The following BNC2 variants were observed in gnomAD, a reference collection of about 807,000 sequenced individuals.
BNC2 encodes the protein basonuclin zinc finger protein 2.
BNC2 carries 20 observed loss-of-function variants against 76.3 expected under a neutral mutation model. The ratio of observed to expected loss-of-function variants is 0.26; its 90% CI spans 0.18 to 0.38. BNC2 has a LOEUF of 0.38. Among genes scored for constraint, BNC2 ranks in the 10% least tolerant of loss-of-function variants. BNC2 has a pLI of 1.00. For synonymous variants in BNC2, 582 were observed against 514.8 expected, an observed-to-expected ratio of 1.13 and a Z score of -1.77; for missense variants, 1,382 against 1,399.8, an observed-to-expected ratio of 0.99 and a Z score of 0.20.
chr9:16,551,243 G>A (rs565453378), intron 5 of BNC2, among the ~76,000 whole-genome samples: 3 of 152,228 alleles, frequency 2.0e-5, no homozygotes, highest in Non-Finnish European at 2.9e-5. Context: ...AAATTAAGAC[G>A]TCATTCTATT....
intron 3 of BNC2, among the ~76,000 whole-genome samples, chr9:16,655,024 G>A (rs946663155): frequency 1.3e-5 from 2 of 151,854 alleles, no homozygotes; most frequent in African/African-American, 4.8e-5. Context: ...ATCAATAACT[G>A]TGGTTTAACA....
intron 3 of BNC2, among the ~76,000 whole-genome samples, chr9:16,719,074 C>T (rs1435778027): frequency 6.6e-6 from 1 of 152,170 alleles, no homozygotes; most frequent in Non-Finnish European, 1.5e-5. Context: ...GCAGCTAACT[C>T]GCTGACTCCA....
chr9:16,807,779 G>C (rs1444184611), intron 1 of BNC2, among the ~76,000 whole-genome samples: 1 of 152,132 alleles, frequency 6.6e-6, no homozygotes, highest in Non-Finnish European at 1.5e-5. Context: ...GTTAGAAAGT[G>C]ATTTCTGACA....
intron 6 of BNC2, among the ~76,000 whole-genome samples, chr9:16,434,046 G>C (rs907996836): frequency 1.3e-5 from 2 of 151,974 alleles, no homozygotes; most frequent in Non-Finnish European, 2.9e-5. Context: ...ATGATAACTT[G>C]GAACTGAAAT....
chr9:16,802,489 T>A (rs1304923131), intron 1 of BNC2, among the ~76,000 whole-genome samples: 1 of 152,246 alleles, frequency 6.6e-6, no homozygotes, highest in Non-Finnish European at 1.5e-5. Flanking sequence ...CTTGATTGTT[T>A]GTGACACAGA....
chr9:16,697,261 G>C lies in BNC2; in HGVS notation c.330+30536C>G, dbSNP rs192272003. On this transcript the variant is annotated intron_variant, in intron 3 of 6. Transcript: ENST00000380672. ...TAGTCCCAGCTACTCAGGAGGCTGAGGCAGGAGAATCGCTTGAACCAGGTA... is the reference window on the plus strand; with the variant it reads ...TAGTCCCAGCTACTCAGGAGGCTGACGCAGGAGAATCGCTTGAACCAGGTA... Among the ~76,000 whole-genome samples, 55 of 152,316 alleles carry C rather than the reference G, an allele frequency of 3.6e-4. 1 individual carries two copies. The East Asian group carries it at 8.7e-3, about 24-fold the overall frequency.
At chr9:16,467,904 C>T (rs1440942140) in intron 5 of BNC2, among the ~76,000 whole-genome samples, 1 of 151,880 alleles carries the variant, frequency 6.6e-6, no homozygotes, top group Non-Finnish European at 1.5e-5. Context: ...TGGTGCCTGA[C>T]CAGGTTCTTA....
At position 16,552,537 on chromosome 9, in the gene BNC2, A is replaced by G. The variant is rs1818696041; in HGVS notation, c.662T>C (p.Ile221Thr). The G allele has an allele frequency of 6.2e-7, 1 of 1,613,926 alleles. No homozygotes were observed. Among genetic ancestry groups the G allele is most frequent in the Admixed American group, 1.7e-5 (1 of 59,992 alleles). ...TTCAAGTCCTCTCCCTACCTGAAGG[A>G]TGTATCCTCGGACATAGTCCCGCAG... ...WTLRDYVRGY[I>T]LQDAAGKVLD... Residue 221 changes from isoleucine (I) to threonine (T), a missense_variant, in exon 5 of 7, where the codon ATC (isoleucine) becomes ACC (threonine). Transcript: ENST00000380672.
At chr9:16,820,570 T>C (rs118116942) in intron 1 of BNC2, among the ~76,000 whole-genome samples, 1,622 of 152,288 alleles carry the variant, frequency 0.011, 26 homozygotes, top group Non-Finnish European at 0.014. Flanking sequence ...TTTCCTCTCA[T>C]TAAAAGCCAC....
chr9:16,624,180 A>G (rs1820933134), intron 3 of BNC2, among the ~76,000 whole-genome samples: 1 of 152,178 alleles, frequency 6.6e-6, no homozygotes, highest in African/African-American at 2.4e-5. Context: ...TTCATGTGTT[A>G]TTAATAAGCT....
chr9:16,419,673 G>T (rs1563774719), intron 6 of BNC2, 24 bp from the exon 7 acceptor site: 6 of 586,900 alleles, frequency 1.0e-5, no homozygotes, highest in Non-Finnish European at 8.9e-6. Context: ...AGGGAAGGGG[G>T]GGTACGTGGA....
At chr9:16,425,610 GA>G (rs1372781910) in intron 6 of BNC2, among the ~76,000 whole-genome samples, 1 of 152,196 alleles carries the variant, frequency 6.6e-6, no homozygotes, top group African/African-American at 2.4e-5. Context: ...TTTACTAAAT[GA>G]ATCGTAATAT....
chr9:16,696,004 A>C lies in BNC2; in HGVS notation c.330+31793T>G, dbSNP rs570175764. ...TTAAAAGGCTTCTCCTTATTTCCTG[A>C]ACCCAGTCAGTTCTGATAGCCTGTC... On this transcript the variant is annotated intron_variant, in intron 3 of 6. Transcript: ENST00000380672. Among the ~76,000 whole-genome samples the C allele has an allele frequency of 4.6e-5, 7 of 152,270 alleles. No homozygotes were observed. In the South Asian group the frequency reaches 1.5e-3, roughly 32 times the overall value.
rs1818700532 is a variant in BNC2 at position 16,552,641 on chromosome 9, T to C, written c.558A>G (p.Leu186=). ...LYGTQAVPVR[L]KILLDRLFSV... ...TGAAGAGACGGTCCAGCAGGATCTT[T>C]AGCCGCACAGGCACTGCTTGTGTCC... is the stretch of plus-strand genomic sequence containing the variant. The change falls in exon 5 of 7, where the codon CTA becomes CTG. Residue 186 remains leucine, a synonymous_variant. Transcript: ENST00000380672. 1 of 1,614,234 alleles carries C rather than the reference T, an allele frequency of 6.2e-7. No individual in the cohort carries two copies.
At position 16,449,991 on chromosome 9, in the gene BNC2, C is replaced by G. The variant is rs114696298; in HGVS notation, c.670-12467G>C. Reference sequence around the variant, plus strand: ...AAACGGGTTAGGTATAAGCCACACTCTTCAGCTGGCATCATTTTTTTTCAG... The same window carrying G: ...AAACGGGTTAGGTATAAGCCACACTGTTCAGCTGGCATCATTTTTTTTCAG... On this transcript the variant is annotated intron_variant, in intron 5 of 6. Transcript: ENST00000380672. Among the ~76,000 whole-genome samples the G allele has an allele frequency of 1.8e-3, 281 of 152,268 alleles. 3 individuals carry two copies. Among genetic ancestry groups the G allele is most frequent in the African/African-American group, 6.3e-3 (260 of 41,546 alleles).
intron 2 of BNC2, among the ~76,000 whole-genome samples, chr9:16,729,733 G>A (rs1824452771): frequency 6.6e-6 from 1 of 152,144 alleles, no homozygotes; most frequent in Admixed American, 6.5e-5. Flanking sequence ...ATTGTCAACA[G>A]TGACTGTACC....
chr9:16,445,556 G>C (rs969422902), intron 5 of BNC2, among the ~76,000 whole-genome samples: 3 of 151,742 alleles, frequency 2.0e-5, no homozygotes, highest in Admixed American at 6.6e-5. Context: ...TTCATGATTT[G>C]GAAATTTGTA....
chr9:16,805,157 A>C (rs12375569), intron 1 of BNC2, among the ~76,000 whole-genome samples: 1 of 151,982 alleles, frequency 6.6e-6, no homozygotes, highest in Non-Finnish European at 1.5e-5. Context: ...ATTATAAATA[A>C]TCCATGGACA....
chr9:16,855,654 C>G (rs943078075), intron 1 of BNC2, among the ~76,000 whole-genome samples: 5 of 152,118 alleles, frequency 3.3e-5, no homozygotes, highest in African/African-American at 1.2e-4. Flanking sequence ...TCTCCTGCCT[C>G]AGCCTCCCAC....
Sources: gnomAD v4.1 joint callset for allele counts (sites outside exome capture counted in the v4.1 genomes callset) on GRCh38, gnomAD v4.1.1 for gene constraint, MANE v1.5 for transcripts, NCBI Gene and HGNC (gene_info 2026-07-23, HGNC 2026-07-21) for gene names.